Variants in RFTN2 observed in about 807,000 individuals in gnomAD.
The protein encoded by RFTN2 is raftlin family member 2, also known as raftlin-2.
In RFTN2, 34 loss-of-function variants were observed where a neutral mutation model predicts 52.7. That is an observed-to-expected ratio of 0.64 (90% CI 0.49 to 0.86). The LOEUF (loss-of-function observed/expected upper bound fraction) is 0.86. Among genes scored for constraint, RFTN2 ranks in the 40% least tolerant of loss-of-function variants. RFTN2 has a pLI of 0.00. For missense variants in RFTN2, 536 were observed against 600.1 expected (o/e 0.89, Z 1.12); for synonymous variants, 203 against 217.7 (o/e 0.93, Z 0.59).
At chr2:197,603,350 GTTAA>G (rs1390855564) in intron 7 of RFTN2, among the ~76,000 whole-genome samples, 1 of 152,122 alleles carries the variant, frequency 6.6e-6, no homozygotes, top group Non-Finnish European at 1.5e-5. Flanking sequence ...AAAACCTTTT[GTTAA>G]TTAAAGACAT....
At chr2:197,619,552 C>G (rs1198808387) in intron 5 of RFTN2, among the ~76,000 whole-genome samples, 45 of 147,246 alleles carry the variant, frequency 3.1e-4, no homozygotes, top group African/African-American at 6.5e-4. Flanking sequence ...CAGCATGCTC[C>G]TTAAGAGTCA....
chr2:197,646,511 T>C lies in RFTN2; in HGVS notation c.295A>G (p.Arg99Gly). ...AATTTCAAGCGCAATAGCACCACTCTGTATAGGTAACTTGCAGGTAGGTGT... is the reference window on the plus strand; with the variant it reads ...AATTTCAAGCGCAATAGCACCACTCCGTATAGGTAACTTGCAGGTAGGTGT... The part of the protein sequence containing the change: ...RKHLPASYLY[R>G]VVLLRLKLSP... The change falls in exon 2 of 9, where the codon AGA (arginine) becomes GGA (glycine). Residue 99 changes from arginine to glycine, a missense_variant. Physicochemically the swap from Arg to Gly is moderately radical, Grantham distance 125. Coordinates refer to ENST00000295049, the MANE Select transcript of RFTN2 (RefSeq NM_144629.3). 2 of 1,614,138 alleles carry C rather than the reference T, an allele frequency of 1.2e-6. No homozygotes were observed. Among genetic ancestry groups the C allele is most frequent in the Non-Finnish European group, 1.7e-6 (2 of 1,180,000 alleles).
chr2:197,643,797 A>T (rs986358142), intron 3 of RFTN2, among the ~76,000 whole-genome samples: 2 of 152,070 alleles, frequency 1.3e-5, no homozygotes, highest in Non-Finnish European at 2.9e-5. Flanking sequence ...GTTTTTTTAT[A>T]TTAAAAAATT....
chr2:197,586,296 C>T (rs898974870), intron 8 of RFTN2, among the ~76,000 whole-genome samples: 8 of 152,204 alleles, frequency 5.3e-5, no homozygotes, highest in South Asian at 4.1e-4. Context: ...CCATGAAAAT[C>T]GAACCTCCCC....
chr2:197,584,421 A>ATTTCAT (rs2087564038), intron 8 of RFTN2, among the ~76,000 whole-genome samples: 1 of 152,124 alleles, frequency 6.6e-6, no homozygotes, highest in Non-Finnish European at 1.5e-5. Flanking sequence ...TCTTTTGAGA[A>ATTTCAT]GTGTCTGTTC....
chr2:197,584,501 T>C (rs189737475), intron 8 of RFTN2, among the ~76,000 whole-genome samples: 135 of 152,360 alleles, frequency 8.9e-4, no homozygotes, highest in African/African-American at 3.1e-3. Flanking sequence ...TTGTAGATTC[T>C]AGATATTAGC....
At chr2:197,598,334 TAAAGAAA>T (rs1354671091) in intron 7 of RFTN2, among the ~76,000 whole-genome samples, 1 of 151,042 alleles carries the variant, frequency 6.6e-6, no homozygotes, top group African/African-American at 2.4e-5. Flanking sequence ...GAAAGAAAAG[TAAAGAAA>T]AAAGAAAAAC....
At chr2:197,631,746 G>A (rs1291632826) in intron 4 of RFTN2, among the ~76,000 whole-genome samples, 1 of 152,048 alleles carries the variant, frequency 6.6e-6, no homozygotes, top group Non-Finnish European at 1.5e-5. Flanking sequence ...TATCTCTTTG[G>A]ACATGTGTGA....
At chr2:197,593,848 T>C (rs1418126716) in intron 8 of RFTN2, among the ~76,000 whole-genome samples, 2 of 139,554 alleles carry the variant, frequency 1.4e-5, no homozygotes, top group Non-Finnish European at 3.1e-5. Context: ...ATTGCGCCAC[T>C]GCACTCCAGC....
intron 3 of RFTN2, among the ~76,000 whole-genome samples, chr2:197,634,758 T>G (rs1343980541): frequency 1.3e-5 from 2 of 152,054 alleles, no homozygotes; most frequent in East Asian, 3.9e-4. Context: ...TATTATACTT[T>G]AAGTTTTAGG....
chr2:197,629,400 A>G (rs1280019518), intron 5 of RFTN2, among the ~76,000 whole-genome samples: 1 of 152,022 alleles, frequency 6.6e-6, no homozygotes, highest in Non-Finnish European at 1.5e-5. Flanking sequence ...AACAATGAGA[A>G]CACTTGGACA....
intron 8 of RFTN2, among the ~76,000 whole-genome samples, chr2:197,590,018 C>A (rs2087675816): frequency 1.3e-5 from 2 of 151,928 alleles, no homozygotes; most frequent in Admixed American, 6.6e-5. Context: ...GCGATCCCCC[C>A]ACCCCCACTC....
chr2:197,575,802 T>TTTATATACATAATATATATTCTATATA (rs1222392794), intron 8 of RFTN2, among the ~76,000 whole-genome samples: 3 of 137,120 alleles, frequency 2.2e-5, no homozygotes, highest in Admixed American at 8.0e-5. Context: ...TTATATATAT[T>TTTATATACATAATATATATTCTATATA]TTATATACAT....
chr2:197,669,161 T>A (rs1284931434), intron 1 of RFTN2, among the ~76,000 whole-genome samples: 2 of 152,278 alleles, frequency 1.3e-5, no homozygotes, highest in Non-Finnish European at 2.9e-5. Flanking sequence ...TTGAACTATG[T>A]ATTTCATGGT....
chr2:197,640,175 G>C (rs2088639511), intron 3 of RFTN2, among the ~76,000 whole-genome samples: 1 of 152,202 alleles, frequency 6.6e-6, no homozygotes, highest in Admixed American at 6.5e-5. Flanking sequence ...GTCTGCAGAG[G>C]TTACTGCTGT....
intron 5 of RFTN2, among the ~76,000 whole-genome samples, chr2:197,619,329 A>G (rs1002985499): frequency 2.6e-5 from 4 of 152,042 alleles, no homozygotes; most frequent in Non-Finnish European, 4.4e-5. Flanking sequence ...AAGATTGAGA[A>G]ATCGGATGGT....
intron 7 of RFTN2, among the ~76,000 whole-genome samples, chr2:197,606,190 G>A (rs963118575): frequency 7.2e-5 from 11 of 152,054 alleles, no homozygotes; most frequent in Non-Finnish European, 7.4e-5. Context: ...TATCACTCCC[G>A]TTGAGAATAC....
chr2:197,580,169 TA>T lies in RFTN2; in HGVS notation c.1234-7890del, dbSNP rs1047095614. On this transcript the variant is annotated intron_variant, in intron 8 of 8. Transcript: ENST00000295049. ...TTATTACCCGATCCGCTCCCGACAT[TA>T]AAAAAAAGCCCCCCAAATTAAATTC... Among the ~76,000 whole-genome samples the T allele has an allele frequency of 3.4e-3, 515 of 151,630 alleles. 5 individuals carry two copies. The highest frequency in any genetic ancestry group is 0.012 in the African/African-American group (477 of 41,350).
intron 3 of RFTN2, among the ~76,000 whole-genome samples, chr2:197,635,475 CT>C (rs1311979334): frequency 3.9e-5 from 6 of 152,162 alleles, no homozygotes; most frequent in Admixed American, 3.9e-4. Flanking sequence ...ATTTGCATTT[CT>C]CTGATGGCCA....
Sources: gnomAD v4.1 joint callset for allele counts (sites outside exome capture counted in the v4.1 genomes callset) on GRCh38, gnomAD v4.1.1 for gene constraint, MANE v1.5 for transcripts, NCBI Gene and HGNC (gene_info 2026-07-23, HGNC 2026-07-21) for gene names.